GAS7: variants seen among roughly 807,000 people sequenced by gnomAD.
GAS7 encodes growth arrest-specific protein 7.
GAS7 carries 28 observed loss-of-function variants against 71.1 expected under a neutral mutation model. The observed-to-expected ratio is 0.39, with a 90% CI of 0.29 to 0.54. GAS7 has a LOEUF of 0.54. GAS7 is among the 20% of genes least tolerant of loss of function. The pLI, the probability that GAS7 is intolerant of heterozygous loss-of-function variation, is 0.62. For missense variants in GAS7, 436 were observed against 627.8 expected (o/e 0.69, Z 3.27); for synonymous variants, 258 against 245.8 (o/e 1.05, Z -0.46).
At chr17:10,030,056 C>T (rs1276697225) in intron 1 of GAS7, among the ~76,000 whole-genome samples, 2 of 152,162 alleles carry the variant, frequency 1.3e-5, no homozygotes, top group East Asian at 3.9e-4. Context: ...TGGCATCCAT[C>T]CTCTGTCCTT....
intron 2 of GAS7, among the ~76,000 whole-genome samples, chr17:9,983,949 G>A (rs1446276250): frequency 6.6e-6 from 1 of 152,052 alleles, no homozygotes; most frequent in Non-Finnish European, 1.5e-5. Flanking sequence ...CACTATCCTT[G>A]GCCAAGCTAC....
intron 2 of GAS7, among the ~76,000 whole-genome samples, chr17:9,984,102 A>G (rs916929847): frequency 1.3e-5 from 2 of 152,242 alleles, no homozygotes; most frequent in Admixed American, 1.3e-4. Context: ...ATATGAGGAT[A>G]TAACATTATT....
At chr17:10,197,709 G>A (rs1028465728) in intron 1 of GAS7, among the ~76,000 whole-genome samples, 1 of 152,202 alleles carries the variant, frequency 6.6e-6, no homozygotes, top group South Asian at 2.1e-4. Context: ...ACCAGCAAGT[G>A]GGTGGTCCCG....
chr17:10,039,710 G>A (rs373056503), intron 1 of GAS7: 6 of 455,202 alleles, frequency 1.3e-5, no homozygotes, highest in Non-Finnish European at 2.6e-5. Flanking sequence ...TAAAGACGAC[G>A]AGGCTGGCCA....
chr17:10,101,744 CCT>C (rs1370786258), intron 1 of GAS7, among the ~76,000 whole-genome samples: 1 of 152,186 alleles, frequency 6.6e-6, no homozygotes, highest in Non-Finnish European at 1.5e-5. Context: ...CCAGGCACTC[CCT>C]CTCATTGGTT....
intron 1 of GAS7, among the ~76,000 whole-genome samples, chr17:10,082,543 G>A (rs2073469119): frequency 6.6e-6 from 1 of 152,230 alleles, no homozygotes; most frequent in African/African-American, 2.4e-5. Flanking sequence ...ATACGCTGCT[G>A]TGATGAGGAA....
At chr17:9,960,442 G>A (rs776439268) in intron 4 of GAS7, among the ~76,000 whole-genome samples, 1 of 152,188 alleles carries the variant, frequency 6.6e-6, no homozygotes, top group Non-Finnish European at 1.5e-5. Flanking sequence ...CACCTGTCTC[G>A]GCCTCCCAAA....
chr17:10,179,492 C>A (rs2074398648), intron 1 of GAS7, among the ~76,000 whole-genome samples: 1 of 132,594 alleles, frequency 7.5e-6, no homozygotes, highest in Non-Finnish European at 1.7e-5. Flanking sequence ...CTAAGATTCC[C>A]CTCCCCTTCA....
intron 1 of GAS7, among the ~76,000 whole-genome samples, chr17:10,159,750 A>G (rs1372340565): frequency 6.6e-6 from 1 of 150,864 alleles, no homozygotes; most frequent in Admixed American, 6.6e-5. Flanking sequence ...TTCCCAGTTT[A>G]TGAAAACGCA....
Position 10,041,352 on chromosome 17 carries a change from C to T in GAS7, c.184-21455G>A, listed in dbSNP as rs115504492. Among the ~76,000 whole-genome samples, 1,332 of 152,212 alleles carry T rather than the reference C, an allele frequency of 8.8e-3. 22 individuals are homozygous for T. Among genetic ancestry groups the T allele is most frequent in the African/African-American group, 0.03 (1,245 of 41,512 alleles). ...TGCTGTTAAACATTAACAGCCGTCT[C>T]CGACACCACTTTGACATTGCATCAC... On this transcript the variant is annotated intron_variant, in intron 1 of 13. Transcript: ENST00000432992.
chr17:10,181,454 G>A (rs2074416007), intron 1 of GAS7, among the ~76,000 whole-genome samples: 1 of 151,982 alleles, frequency 6.6e-6, no homozygotes, highest in African/African-American at 2.4e-5. Context: ...GGATGGGGGA[G>A]GAGGGTTACT....
Position 10,059,419 on chromosome 17 carries a change from T to A in GAS7, c.184-39522A>T, listed in dbSNP as rs12602380. Among the ~76,000 whole-genome samples, 1,239 of 152,148 alleles carry A rather than the reference T, an allele frequency of 8.1e-3. 26 individuals carry two copies. Among genetic ancestry groups the A allele is most frequent in the African/African-American group, 0.028 (1,153 of 41,502 alleles). ...TTCCCACAGAGCTCATCTCAGATAC[T>A]TCCCCTGCCCAAGTGGCTTTCTCTT... On this transcript the variant is annotated intron_variant, in intron 1 of 13. Transcript: ENST00000432992.
chr17:10,163,981 AACAATCCCCCAGGCTCCC>A (rs1300593386), intron 1 of GAS7, among the ~76,000 whole-genome samples: 2 of 152,286 alleles, frequency 1.3e-5, no homozygotes, highest in African/African-American at 2.4e-5. Flanking sequence ...AGCTGTCATT[AACAATCCCCCAGGCTCCC>A]ATGAGGCCCC....
Position 10,034,756 on chromosome 17 carries a change from C to T in GAS7, c.184-14859G>A, listed in dbSNP as rs80093837. 6.2e-3 allele frequency among the ~76,000 whole-genome samples: 945 copies of T among 152,344 alleles called. 9 individuals carry two copies. Among genetic ancestry groups the T allele is most frequent in the Non-Finnish European group, 0.01 (696 of 68,034 alleles). ...TGAAACGTGGGCTGTGCCCCAAACA[C>T]CAAGGATCCTGCCTTACTGCACCCA... On this transcript the variant is annotated intron_variant, in intron 1 of 13. Coordinates refer to ENST00000432992, the MANE Select transcript of GAS7 (RefSeq NM_201433.2). This position sits in a 1 kb window ranked among gnomAD's most constrained non-coding sequence, Gnocchi z 4.4.
chr17:9,980,524 T>G (rs893115435), intron 3 of GAS7, among the ~76,000 whole-genome samples: 1 of 152,218 alleles, frequency 6.6e-6, no homozygotes, highest in Non-Finnish European at 1.5e-5. Context: ...GCTCAAGGCA[T>G]TGGAAGATTA....
intron 1 of GAS7, among the ~76,000 whole-genome samples, chr17:10,066,151 A>T (rs1369814361): frequency 6.6e-6 from 1 of 152,116 alleles, no homozygotes; most frequent in African/African-American, 2.4e-5. Context: ...AATGGGAGGG[A>T]GAGGAAAGTA....
chr17:9,953,664 C>G (rs1423148752), intron 5 of GAS7, among the ~76,000 whole-genome samples: 1 of 152,240 alleles, frequency 6.6e-6, no homozygotes, highest in Non-Finnish European at 1.5e-5. Context: ...CGTTCACTTT[C>G]CATTCGAACA....
chr17:10,049,786 A>C (rs184843521), intron 1 of GAS7, among the ~76,000 whole-genome samples: 1,951 of 151,748 alleles, frequency 0.013, 21 homozygotes, highest in Non-Finnish European at 0.021. Context: ...ACGCCCAGCT[A>C]ATTTTTTGTA....
chr17:10,186,127 AT>A (rs71139024), intron 1 of GAS7, among the ~76,000 whole-genome samples: 53,268 of 145,856 alleles, frequency 0.37, 9,840 homozygotes, highest in African/African-American at 0.46. Flanking sequence ...AATTTTTTGT[AT>A]TTTTTTTTTT....
Sources: allele counts gnomAD v4.1 joint callset (sites outside exome capture counted in the v4.1 genomes callset), GRCh38; gene constraint gnomAD v4.1.1; non-coding constraint Gnocchi (gnomAD v3.1); transcripts MANE v1.5; gene names NCBI Gene and HGNC (gene_info 2026-07-23, HGNC 2026-07-21).